Variants in CHID1 observed in about 807,000 individuals in gnomAD.
CHID1 encodes the protein chitinase domain-containing protein 1.
In CHID1, 44 loss-of-function variants were observed where a neutral mutation model predicts 55.4. The observed-to-expected ratio is 0.79, with a 90% CI of 0.62 to 1.02. CHID1 has a LOEUF of 1.02. Among genes scored for constraint, CHID1 ranks in the 50% least tolerant of loss-of-function variants. CHID1 has a pLI of 0.00. For missense variants in CHID1, 491 were observed against 515.3 expected, an observed-to-expected ratio of 0.95 and a Z score of 0.46; for synonymous variants, 216 against 212.9, an observed-to-expected ratio of 1.01 and a Z score of -0.13.
intron 10 of CHID1, among the ~76,000 whole-genome samples, chr11:882,136 C>A (rs978606573): frequency 2.6e-5 from 4 of 152,110 alleles, no homozygotes. Context: ...ACCATCCTGG[C>A]TAATGCGGTG....
chr11:899,637 C>T (rs1367898472), intron 6 of CHID1, among the ~76,000 whole-genome samples: 1 of 152,202 alleles, frequency 6.6e-6, no homozygotes, highest in Non-Finnish European at 1.5e-5. Context: ...GACCCATGCA[C>T]CTCCCCCAAC....
At chr11:914,425 G>T, upstream of CHID1, 1 of 871,924 alleles carries the variant, frequency 1.1e-6, no homozygotes, top group Non-Finnish European at 1.6e-6. Context: ...GGGGGGGACA[G>T]AGTAGGGCAG....
Position 875,518 on chromosome 11 carries a change from C to G in CHID1, c.960-5019G>C, listed in dbSNP as rs969672501. On this transcript the variant is annotated intron_variant, in intron 10 of 12. Coordinates refer to ENST00000323578, the MANE Select transcript of CHID1 (RefSeq NM_023947.4). This position sits in a 1 kb window ranked among gnomAD's most constrained non-coding sequence, Gnocchi z 4.7. ...CTGAGGGCCCCGGGTGTGGAGAAGACCTGGCTCCTCGTCACTGGCTATCGG... is the reference window on the plus strand; with the variant it reads ...CTGAGGGCCCCGGGTGTGGAGAAGAGCTGGCTCCTCGTCACTGGCTATCGG... 5.3e-5 allele frequency among the ~76,000 whole-genome samples: 8 copies of G among 152,178 alleles called. No homozygotes were observed. Among genetic ancestry groups the G allele is most frequent in the African/African-American group, 1.9e-4 (8 of 41,430 alleles).
chr11:868,497 G>A lies in CHID1; in HGVS notation c.*1361C>T, dbSNP rs1226623955. 1.3e-5 allele frequency: 2 copies of A among 152,096 alleles called. No individual in the cohort carries two copies. Among genetic ancestry groups the A allele is most frequent in the African/African-American group, 4.8e-5 (2 of 41,402 alleles). 9.4% of individuals were successfully genotyped at this position (152,096 alleles called of 1,614,324 possible). A position where few individuals can be genotyped will look rare whatever the true frequency, so the allele number is the denominator to read the frequency against. On this transcript the variant is annotated 3_prime_UTR_variant, in exon 13 of 13. Transcript: ENST00000323578. ...TCCAAAGTACTGGGATTACAGGCAT[G>A]AACCGCCGCACACACCACTTGTATC... is the stretch of plus-strand genomic sequence containing the variant.
intron 10 of CHID1, among the ~76,000 whole-genome samples, chr11:877,162 C>A (rs1589825383): frequency 1.3e-5 from 2 of 152,194 alleles, no homozygotes; most frequent in East Asian, 3.8e-4. Flanking sequence ...CATACACCCC[C>A]ACACGCTCAC....
upstream of CHID1, chr11:914,554 T>C: frequency 7.8e-7 from 1 of 1,289,384 alleles, no homozygotes; most frequent in Non-Finnish European, 1.0e-6. Flanking sequence ...AGCCTGAGGA[T>C]GCCTCTCACA....
intron 1 of CHID1, among the ~76,000 whole-genome samples, chr11:909,534 T>C (rs1203749590): frequency 1.3e-5 from 2 of 152,242 alleles, no homozygotes; most frequent in Non-Finnish European, 2.9e-5. Flanking sequence ...GGCTTTCCAA[T>C]GCTTTTCATG....
intron 4 of CHID1, 80 bp from the exon 5 acceptor site, chr11:901,060 G>T: frequency 7.4e-7 from 1 of 1,359,024 alleles, no homozygotes; most frequent in East Asian, 2.6e-5. Flanking sequence ...AGGAAAACGT[G>T]GCAGCCGCAC....
intron 8 of CHID1, among the ~76,000 whole-genome samples, chr11:892,212 G>A (rs548561932): frequency 8.0e-4 from 122 of 152,336 alleles, no homozygotes; most frequent in African/African-American, 2.8e-3. Context: ...CGTTATTGCC[G>A]GGGAGGCTGA....
intron 6 of CHID1, among the ~76,000 whole-genome samples, chr11:899,764 C>T (rs2134304681): frequency 6.6e-6 from 1 of 152,368 alleles, no homozygotes; most frequent in East Asian, 1.9e-4. Context: ...AAGGGAAGAA[C>T]CCTGGCCCAG....
chr11:890,781 C>A lies in CHID1; in HGVS notation c.701+2646G>T, dbSNP rs185425645. On this transcript the variant is annotated intron_variant, in intron 8 of 12. Coordinates refer to ENST00000323578, the MANE Select transcript of CHID1 (RefSeq NM_023947.4). Reference sequence around the variant, plus strand: ...GACTGTGGGAGCAGGGCTGGAGGTCCGCAGAGTGCTCAGTTCCAGGACCAG... The same window carrying A: ...GACTGTGGGAGCAGGGCTGGAGGTCAGCAGAGTGCTCAGTTCCAGGACCAG... Among the ~76,000 whole-genome samples the A allele has an allele frequency of 2.0e-5, 3 of 152,152 alleles. No homozygotes were observed. The South Asian group carries it at 6.2e-4, about 32-fold the overall frequency.
rs1025056912 is a variant in CHID1, at chr11:899,296, A to G, written c.608+44T>C. 9 of 1,555,452 alleles carry G rather than the reference A, an allele frequency of 5.8e-6. No homozygotes were observed. In the Admixed American group the frequency reaches 7.5e-5, roughly 13 times the overall value. ...TTTCCTCCAGCCTCCTTCAAACACCAGGGCCAGGAGGAGGGCCACCCACCA... is the reference window on the plus strand; with the variant it reads ...TTTCCTCCAGCCTCCTTCAAACACCGGGGCCAGGAGGAGGGCCACCCACCA... On this transcript the variant is annotated intron_variant, in intron 7 of 12. Transcript: ENST00000323578.
intron 8 of CHID1, among the ~76,000 whole-genome samples, chr11:891,852 A>G (rs1364847964): frequency 2.0e-5 from 3 of 150,046 alleles, no homozygotes; most frequent in Non-Finnish European, 3.0e-5. Flanking sequence ...AAGGCTGGCC[A>G]CGGTGGCTTG....
intron 7 of CHID1, among the ~76,000 whole-genome samples, chr11:894,661 G>T (rs758552956): frequency 6.6e-6 from 1 of 152,210 alleles, no homozygotes; most frequent in Non-Finnish European, 1.5e-5. Context: ...AGGACTGAGA[G>T]TGGGGCAAGA....
At chr11:911,359 T>C (rs923312937), upstream of CHID1, 3 of 152,226 alleles carry the variant, frequency 2.0e-5, no homozygotes, top group African/African-American at 4.8e-5. Flanking sequence ...GCCTTGCACA[T>C]TGCACGAGCC....
At chr11:878,754 T>A (rs1849688015) in intron 10 of CHID1, among the ~76,000 whole-genome samples, 1 of 151,688 alleles carries the variant, frequency 6.6e-6, no homozygotes, top group Admixed American at 6.6e-5. Context: ...CAGGCTGGAG[T>A]GCAATGGCGC....
intron 8 of CHID1, among the ~76,000 whole-genome samples, chr11:891,790 C>T (rs933183579): frequency 6.6e-6 from 1 of 152,152 alleles, no homozygotes; most frequent in Non-Finnish European, 1.5e-5. Flanking sequence ...CCCCTGCCAG[C>T]CCCCTTCAAA....
At chr11:907,229 C>T (rs1177649682) in intron 1 of CHID1, among the ~76,000 whole-genome samples, 1 of 152,184 alleles carries the variant, frequency 6.6e-6, no homozygotes, top group Non-Finnish European at 1.5e-5. Flanking sequence ...CGCCTGTAAT[C>T]CCAGCACTTT....
At chr11:877,063 C>G (rs529147957) in intron 10 of CHID1, among the ~76,000 whole-genome samples, 22 of 152,288 alleles carry the variant, frequency 1.4e-4, no homozygotes, top group African/African-American at 5.3e-4. Context: ...GACTTCTCAG[C>G]TGGGAGTGAG....
Sources: allele counts gnomAD v4.1 joint callset (sites outside exome capture counted in the v4.1 genomes callset), GRCh38; gene constraint gnomAD v4.1.1; non-coding constraint Gnocchi (gnomAD v3.1); transcripts MANE v1.5; gene names NCBI Gene and HGNC (gene_info 2026-07-23, HGNC 2026-07-21).